OTUD7B: variants seen among roughly 807,000 people sequenced by gnomAD.
OTUD7B encodes the protein OTU domain-containing protein 7B.
A neutral mutation model predicts 82.2 loss-of-function variants in OTUD7B; 34 were observed. That is an observed-to-expected ratio of 0.41 (90% CI 0.31 to 0.55). The LOEUF (loss-of-function observed/expected upper bound fraction) is 0.55. Among genes scored for constraint, OTUD7B ranks in the 20% least tolerant of loss-of-function variants. OTUD7B has a pLI of 0.20. For synonymous variants in OTUD7B, 398 were observed against 402.7 expected (o/e 0.99, Z 0.14); for missense variants, 944 against 1,062.1 (o/e 0.89, Z 1.55).
At chr1:150,063,168 T>C in the OTUD7B span, among the ~76,000 whole-genome samples, 6 of 152,124 alleles carry the variant, frequency 3.9e-5, no homozygotes, top group Non-Finnish European at 5.9e-5. Context: ...GAAATGGTTC[T>C]AGGCTAGGCA....
the OTUD7B span, among the ~76,000 whole-genome samples, chr1:150,066,005 TAAAG>T: frequency 6.6e-6 from 1 of 152,192 alleles, no homozygotes. The surrounding 1 kb of genome is among the most constrained non-coding windows in gnomAD (Gnocchi z 4.6). Context: ...ATCAAAAGGA[TAAAG>T]ATTCTTTCCA....
At chr1:150,059,308 C>CTCT in the OTUD7B span, among the ~76,000 whole-genome samples, 2 of 51,686 alleles carry the variant, frequency 3.9e-5, 1 homozygote, top group Non-Finnish European at 1.2e-4. Context: ...CCCCCCCCCC[C>CTCT]CCGCCTCCCA....
At chr1:150,010,330 C>G (rs919674542) in intron 1 of OTUD7B, 118 bp downstream of exon 1, 2 of 152,470 alleles carry the variant, frequency 1.3e-5, no homozygotes, top group African/African-American at 4.8e-5. Context: ...TCGGGTGAAA[C>G]AGATTCAGAA....
chr1:150,029,723 A>G, the OTUD7B span, among the ~76,000 whole-genome samples: 2 of 152,186 alleles, frequency 1.3e-5, no homozygotes, highest in African/African-American at 4.8e-5. Flanking sequence ...GAGGATCCAA[A>G]ATATTTCAGT....
chr1:149,977,454 C>A lies in OTUD7B; in HGVS notation c.57G>T (p.Glu19Asp). The change falls in exon 2 of 12, where the codon GAG (glutamate) becomes GAT (aspartate). Residue 19 changes from glutamate to aspartate, a missense_variant. Physicochemically the swap from Glu to Asp is conservative, Grantham distance 45. Transcript: ENST00000581312. ...CTAGGAGATCTCGCGCTAGCCCTGG[C>A]TCTGCTCCTGTGGAACGGACAAAAT... Reference protein sequence around the residue: ...LSDFVRSTGAEPGLARDLLEG... With the variant: ...LSDFVRSTGADPGLARDLLEG... 6.8e-6 allele frequency: 11 copies of A among 1,614,060 alleles called. No individual in the cohort carries two copies. Among genetic ancestry groups the A allele is most frequent in the Non-Finnish European group, 9.3e-6 (11 of 1,179,922 alleles).
the OTUD7B span, among the ~76,000 whole-genome samples, chr1:150,057,043 A>C: frequency 6.6e-6 from 1 of 152,206 alleles, no homozygotes; most frequent in Non-Finnish European, 1.5e-5. Context: ...CCAAGTGATC[A>C]AAGTTAATAT....
intron 7 of OTUD7B, among the ~76,000 whole-genome samples, chr1:149,955,819 G>A (rs1648625679): frequency 6.6e-6 from 1 of 151,872 alleles, no homozygotes; most frequent in African/African-American, 2.4e-5. Context: ...GATCTTTGTT[G>A]GTTTAAAGTC....
chr1:149,997,863 T>C (rs1480328032), intron 1 of OTUD7B, among the ~76,000 whole-genome samples: 1 of 152,196 alleles, frequency 6.6e-6, no homozygotes, highest in Non-Finnish European at 1.5e-5. Context: ...CAATGTGATC[T>C]AGTAGAAAGA....
At chr1:149,988,659 A>G (rs1651358516) in intron 1 of OTUD7B, among the ~76,000 whole-genome samples, 1 of 152,242 alleles carries the variant, frequency 6.6e-6, no homozygotes. Context: ...GCACAACAAT[A>G]GTAGCTTAAA....
intron 1 of OTUD7B, among the ~76,000 whole-genome samples, chr1:149,998,032 A>G (rs1022114955): frequency 6.6e-5 from 10 of 152,124 alleles, no homozygotes; most frequent in African/African-American, 2.4e-4. Flanking sequence ...AAGGTACCCC[A>G]CTTCGGAGAG....
chr1:150,033,992 T>C, the OTUD7B span, among the ~76,000 whole-genome samples: 1 of 152,114 alleles, frequency 6.6e-6, no homozygotes, highest in Non-Finnish European at 1.5e-5. Context: ...AGTGCTGGGA[T>C]TACAGGCGTG....
the OTUD7B span, among the ~76,000 whole-genome samples, chr1:150,053,530 G>A: frequency 3.3e-5 from 5 of 151,732 alleles, no homozygotes; most frequent in African/African-American, 7.3e-5. Context: ...CCAAGTAGCC[G>A]AGATTACAGG....
intron 7 of OTUD7B, among the ~76,000 whole-genome samples, chr1:149,954,810 A>G (rs1323429310): frequency 6.6e-6 from 1 of 151,884 alleles, no homozygotes; most frequent in Non-Finnish European, 1.5e-5. Context: ...TTTCTTCTAC[A>G]TTTTCTAGTT....
At chr1:150,034,190 G>C in the OTUD7B span, among the ~76,000 whole-genome samples, 1 of 152,136 alleles carries the variant, frequency 6.6e-6, no homozygotes, top group Non-Finnish European at 1.5e-5. Context: ...TAATAAATCT[G>C]TTTCATTTAG....
At chr1:150,033,449 A>G in the OTUD7B span, among the ~76,000 whole-genome samples, 1 of 152,144 alleles carries the variant, frequency 6.6e-6, no homozygotes, top group African/African-American at 2.4e-5. Flanking sequence ...AATCCTAACT[A>G]TAGCCATCAA....
At chr1:150,055,284 C>G in the OTUD7B span, among the ~76,000 whole-genome samples, 1 of 152,044 alleles carries the variant, frequency 6.6e-6, no homozygotes, top group African/African-American at 2.4e-5. Context: ...GTGATCCACC[C>G]GCCTGGGTCT....
chr1:150,043,460 G>T, the OTUD7B span, among the ~76,000 whole-genome samples: 2 of 152,078 alleles, frequency 1.3e-5, no homozygotes, highest in African/African-American at 4.8e-5. Context: ...AAGTTCAAAG[G>T]GTAGAAATTA....
chr1:150,013,372 A>T (rs901632185), upstream of OTUD7B, among the ~76,000 whole-genome samples: 1 of 152,188 alleles, frequency 6.6e-6, no homozygotes, highest in African/African-American at 2.4e-5. Context: ...TACTGGGGCT[A>T]ATGGCTAGAG....
the OTUD7B span, among the ~76,000 whole-genome samples, chr1:150,041,698 A>G: frequency 6.6e-6 from 1 of 152,056 alleles, no homozygotes; most frequent in Non-Finnish European, 1.5e-5. Context: ...CTTGCCAAAG[A>G]TTGGTCTGTT....
Sources: gnomAD v4.1 joint callset for allele counts (sites outside exome capture counted in the v4.1 genomes callset) on GRCh38, gnomAD v4.1.1 for gene constraint, Gnocchi (gnomAD v3.1) non-coding constraint, MANE v1.5 for transcripts, NCBI Gene and HGNC (gene_info 2026-07-23, HGNC 2026-07-21) for gene names.